Variants in ZNF880 observed in about 807,000 individuals in gnomAD.
ZNF880 encodes zinc finger protein LOC400713.
In ZNF880, 12 loss-of-function variants were observed where a neutral mutation model predicts 11.8. That is an observed-to-expected ratio of 1.02 (90% confidence interval 0.65 to 1.65). The LOEUF (loss-of-function observed/expected upper bound fraction) is 1.65. Among genes scored for constraint, ZNF880 ranks in the 40% most tolerant of loss-of-function variants. The probability of loss-of-function intolerance (pLI) is 0.00; values close to 1 mark genes in which losing one functional copy is unlikely to be tolerated. For missense variants in ZNF880, 601 were observed against 673.9 expected, an observed-to-expected ratio of 0.89 and a Z score of 1.20; for synonymous variants, 210 against 232.4, an observed-to-expected ratio of 0.90 and a Z score of 0.88.
At chr19:52,391,021 CA>C in the ZNF880 span, 3 of 152,232 alleles carry the variant, frequency 2.0e-5, no homozygotes, top group East Asian at 1.9e-4. Context: ...GAGAAAGGAG[CA>C]GGGGGAGAAA....
the ZNF880 span, among the ~76,000 whole-genome samples, chr19:52,393,835 C>CTTTT: frequency 4.5e-4 from 49 of 109,156 alleles, 3 homozygotes; most frequent in South Asian, 3.5e-4. Context: ...TGCCCCCCCC[C>CTTTT]TTTTTTTTTT....
chr19:52,373,871 A>G (rs952532023), intron 2 of ZNF880, among the ~76,000 whole-genome samples: 1 of 150,664 alleles, frequency 6.6e-6, no homozygotes, highest in African/African-American at 2.4e-5. Context: ...GGGTTTCACC[A>G]TATTGGTCAG....
chr19:52,369,146 A>G (rs556434607), upstream of ZNF880, among the ~76,000 whole-genome samples: 1 of 151,658 alleles, frequency 6.6e-6, no homozygotes, highest in African/African-American at 2.4e-5. Flanking sequence ...GCGGATCACG[A>G]GGTCAGGAGT....
At chr19:52,375,635 T>C (rs1337236686) in intron 3 of ZNF880, among the ~76,000 whole-genome samples, 1 of 152,086 alleles carries the variant, frequency 6.6e-6, no homozygotes, top group African/African-American at 2.4e-5. Flanking sequence ...ATATATAGTC[T>C]TTTATCCCTC....
At chr19:52,395,588 C>G in the ZNF880 span, 3 of 152,284 alleles carry the variant, frequency 2.0e-5, no homozygotes, top group East Asian at 3.9e-4. Context: ...ACATACAGAT[C>G]GGCAGATACC....
chr19:52,380,536 C>T (rs567039905), intron 3 of ZNF880, among the ~76,000 whole-genome samples: 1 of 151,976 alleles, frequency 6.6e-6, no homozygotes, highest in South Asian at 2.1e-4. Flanking sequence ...GTATGAGTTA[C>T]ATATATTTTA....
rs1986808988 is a variant in ZNF880, at chr19:52,384,562, G to A, written c.982G>A (p.Glu328Lys). ...TGGAGAGAAACCTTACAAATGTAAG[G>A]AATGTGGCAAAGCATTTTCAGGGGG... is the stretch of plus-strand genomic sequence containing the variant. ...HSGEKPYKCK[E>K]CGKAFSGGSG... Residue 328 changes from glutamate to lysine, a missense_variant, in exon 4 of 4, where the codon GAA becomes AAA. Coordinates refer to ENST00000422689, the MANE Select transcript of ZNF880 (RefSeq NM_001145434.2). 13 of 1,613,902 alleles carry A rather than the reference G, an allele frequency of 8.1e-6. No individual in the cohort carries two copies. Among genetic ancestry groups the A allele is most frequent in the Non-Finnish European group, 1.1e-5 (13 of 1,179,932 alleles).
Position 52,384,216 on chromosome 19 carries a change from C to G in ZNF880, c.636C>G (p.Tyr212Ter), listed in dbSNP as rs1986788561. ...NQVIHTADNP[Y>*]KCNECDKVFS... The stretch of plus-strand genomic sequence containing the variant: ...TAATCCACACTGCAGATAACCCTTA[C>G]AAATGTAATGAATGTGACAAGGTCT... The change falls in exon 4 of 4, where the codon TAC becomes TAG. Residue 212 changes from tyrosine (Y) to a stop codon, truncating the protein, a stop_gained. Transcript: ENST00000422689. LOFTEE classifies it low-confidence loss of function (END_TRUNC). The G allele has an allele frequency of 1.9e-6, 3 of 1,612,174 alleles. No individual in the cohort carries two copies. The African/African-American group carries it at 4.0e-5, about 22-fold the overall frequency.
the ZNF880 span, among the ~76,000 whole-genome samples, chr19:52,394,237 T>G: frequency 0.031 from 4,752 of 151,952 alleles, 126 homozygotes; most frequent in South Asian, 0.089. Context: ...TATACAAGAT[T>G]ATTATTATTA....
At position 52,378,249 on chromosome 19, in the gene ZNF880, C is replaced by T. The variant is rs967592720; in HGVS notation, c.268+3822C>T. Among the ~76,000 whole-genome samples the T allele has an allele frequency of 1.2e-4, 19 of 152,264 alleles. 2 individuals carry two copies. Among genetic ancestry groups the T allele is most frequent in the Admixed American group, 9.8e-4 (15 of 15,278 alleles). On this transcript the variant is annotated intron_variant, in intron 3 of 3. Coordinates refer to ENST00000422689, the MANE Select transcript of ZNF880 (RefSeq NM_001145434.2). ...TTCTTATTTTACAAGGTTCCTCAGCCATTCTTCAGTTGTGCTTTGTCCATA... is the reference window on the plus strand; with the variant it reads ...TTCTTATTTTACAAGGTTCCTCAGCTATTCTTCAGTTGTGCTTTGTCCATA...
chr19:52,374,651 G>A (rs1986502081), intron 3 of ZNF880: 3 of 674,758 alleles, frequency 4.4e-6, no homozygotes, highest in Non-Finnish European at 8.0e-6. Flanking sequence ...CACACTTTGA[G>A]TTTCTGTTTG....
chr19:52,373,011 C>T (rs970083869), intron 1 of ZNF880, 100 bp from the exon 2 acceptor site: 5 of 1,185,692 alleles, frequency 4.2e-6, no homozygotes, highest in East Asian at 2.7e-5. Context: ...AATACCTTAA[C>T]GTGGATTTGT....
chr19:52,388,282 CTTT>C (rs68179783), downstream of ZNF880, among the ~76,000 whole-genome samples: 36 of 63,412 alleles, frequency 5.7e-4, 3 homozygotes, highest in South Asian at 1.7e-3. Context: ...GCAATTTGAA[CTTT>C]TTTTTTTTTT....
At chr19:52,386,351 T>C (rs116199606), downstream of ZNF880, among the ~76,000 whole-genome samples, 560 of 143,040 alleles carry the variant, frequency 3.9e-3, 103 homozygotes, top group African/African-American at 0.015. Flanking sequence ...GCAGTCATCA[T>C]ACTGTTGCTG....
Position 52,384,212 on chromosome 19 carries a change from C to T in ZNF880, c.632C>T (p.Pro211Leu). 1 of 1,612,030 alleles carries T rather than the reference C, an allele frequency of 6.2e-7. No homozygotes were observed. The highest frequency in any genetic ancestry group is 1.1e-5 in the South Asian group (1 of 90,888). ...CAAGTAATCCACACTGCAGATAACC[C>T]TTACAAATGTAATGAATGTGACAAG... Reference protein sequence around the residue: ...NNQVIHTADNPYKCNECDKVF... With the variant: ...NNQVIHTADNLYKCNECDKVF... The change falls in exon 4 of 4, where the codon CCT (proline) becomes CTT (leucine). Residue 211 changes from proline (P) to leucine (L), a missense_variant. This residue lies in a region of ZNF880 where 420 missense variants were observed against 442.6 expected (regional missense o/e 0.95). Coordinates refer to ENST00000422689, the MANE Select transcript of ZNF880 (RefSeq NM_001145434.2).
chr19:52,388,423 G>A (rs943897963), downstream of ZNF880, among the ~76,000 whole-genome samples: 1 of 149,596 alleles, frequency 6.7e-6, no homozygotes, highest in Admixed American at 6.7e-5. Context: ...GACTACAAGC[G>A]TGCACCACCA....
the ZNF880 span, among the ~76,000 whole-genome samples, chr19:52,393,884 T>G: frequency 7.4e-6 from 1 of 135,786 alleles, no homozygotes; most frequent in Admixed American, 8.3e-5. Flanking sequence ...TCGCCCAGGC[T>G]GGAGTGCAGT....
At chr19:52,382,836 T>C (rs1986742893) in intron 3 of ZNF880, among the ~76,000 whole-genome samples, 1 of 152,184 alleles carries the variant, frequency 6.6e-6, no homozygotes, top group South Asian at 2.1e-4. Context: ...TTTCTTTCCT[T>C]AGATTGGGGA....
chr19:52,371,576 A>C (rs1293893481), intron 1 of ZNF880, among the ~76,000 whole-genome samples: 1 of 152,026 alleles, frequency 6.6e-6, no homozygotes, highest in Non-Finnish European at 1.5e-5. Flanking sequence ...GGGTTTCACC[A>C]TGTTTGCTAG....
Sources: gnomAD v4.1 joint callset for allele counts (sites outside exome capture counted in the v4.1 genomes callset) on GRCh38, gnomAD v4.1.1 for gene constraint, gnomAD v4.1.1 regional missense constraint, MANE v1.5 for transcripts, NCBI Gene and HGNC (gene_info 2026-07-23, HGNC 2026-07-21) for gene names.